The following GPHN variants were observed in gnomAD, a reference collection of about 807,000 sequenced individuals.
The protein encoded by GPHN is gephyrin.
GPHN carries 17 observed loss-of-function variants against 95.5 expected under a neutral mutation model. The ratio of observed to expected loss-of-function variants is 0.18; its 90% CI spans 0.12 to 0.27. GPHN has a LOEUF of 0.27. Among genes scored for constraint, GPHN ranks in the 10% least tolerant of loss-of-function variants. GPHN has a pLI of 1.00. For missense variants in GPHN, 660 were observed against 978.1 expected (o/e 0.67, Z 4.34); for synonymous variants, 320 against 322.5 (o/e 0.99, Z 0.08).
the GPHN span, among the ~76,000 whole-genome samples, chr14:67,413,207 T>C: frequency 3.3e-5 from 5 of 152,198 alleles, no homozygotes; most frequent in African/African-American, 1.2e-4. Context: ...AGAAGGAAAC[T>C]CAGTCAAATA....
chr14:67,468,220 C>T, the GPHN span, among the ~76,000 whole-genome samples: 1 of 152,142 alleles, frequency 6.6e-6, no homozygotes, highest in East Asian at 1.9e-4. Context: ...GTGATCCACC[C>T]GCCTCGGGCT....
chr14:66,569,678 A>T (rs562998274), intron 1 of GPHN, among the ~76,000 whole-genome samples: 63 of 151,706 alleles, frequency 4.2e-4, no homozygotes, highest in Middle Eastern at 3.4e-3. Flanking sequence ...AAAAAATTAA[A>T]TTTTTGTTTG....
the GPHN span, among the ~76,000 whole-genome samples, chr14:67,508,753 C>CAAAAAAAAAAGAAAAAA: frequency 2.1e-5 from 1 of 46,714 alleles, no homozygotes; most frequent in Non-Finnish European, 4.7e-5. Flanking sequence ...AACCTTGTCT[C>CAAAAAAAAAAGAAAAAA]AAAAAAAAAA....
chr14:66,878,376 T>C (rs1392656119), intron 4 of GPHN, among the ~76,000 whole-genome samples: 1 of 152,074 alleles, frequency 6.6e-6, no homozygotes, highest in East Asian at 1.9e-4. Flanking sequence ...GGGATCTAAT[T>C]AAACTAAAGA....
At chr14:67,156,100 G>A (rs2081570572) in intron 18 of GPHN, among the ~76,000 whole-genome samples, 1 of 152,166 alleles carries the variant, frequency 6.6e-6, no homozygotes, top group African/African-American at 2.4e-5. Context: ...TTTTAAGGTG[G>A]AAGGATTATG....
the GPHN span, among the ~76,000 whole-genome samples, chr14:67,480,141 T>C: frequency 1.3e-5 from 2 of 152,188 alleles, no homozygotes; most frequent in Non-Finnish European, 2.9e-5. Flanking sequence ...AAAGGGCAGC[T>C]GTCATTTCTG....
chr14:66,657,444 A>G (rs929403774), intron 1 of GPHN, among the ~76,000 whole-genome samples: 8 of 152,258 alleles, frequency 5.3e-5, no homozygotes, highest in East Asian at 3.8e-4. Context: ...CAGGTTATCA[A>G]TATAGATGAA....
At chr14:67,324,897 ATTTTTTTT>A in the GPHN span, among the ~76,000 whole-genome samples, 1 of 76,336 alleles carries the variant, frequency 1.3e-5, no homozygotes, top group East Asian at 4.4e-4. Flanking sequence ...CCTTCCTTTC[ATTTTTTTT>A]TTTTTTTTTT....
chr14:67,701,397 A>C, the GPHN span, among the ~76,000 whole-genome samples: 2 of 151,168 alleles, frequency 1.3e-5, no homozygotes, highest in Non-Finnish European at 2.9e-5. Flanking sequence ...TACATTTAAA[A>C]AAATTTTAAA....
At chr14:67,013,312 T>C (rs1460067790) in intron 9 of GPHN, among the ~76,000 whole-genome samples, 2 of 152,114 alleles carry the variant, frequency 1.3e-5, no homozygotes, top group Non-Finnish European at 2.9e-5. Flanking sequence ...ATTCGCTACA[T>C]ACACAAGTCT....
the GPHN span, among the ~76,000 whole-genome samples, chr14:67,532,845 C>A: frequency 6.6e-6 from 1 of 152,242 alleles, no homozygotes; most frequent in East Asian, 1.9e-4. Flanking sequence ...AATGCTGGAA[C>A]CTTTGGCGGA....
chr14:66,885,295 C>T (rs1444198877), intron 5 of GPHN, among the ~76,000 whole-genome samples: 1 of 152,046 alleles, frequency 6.6e-6, no homozygotes, highest in Non-Finnish European at 1.5e-5. Context: ...CTGGCAGGAT[C>T]TCTCTGATAT....
the GPHN span, among the ~76,000 whole-genome samples, chr14:67,595,144 T>A: frequency 2.1e-5 from 3 of 142,276 alleles, no homozygotes; most frequent in Non-Finnish European, 4.6e-5. Flanking sequence ...CTAAAAAAAA[T>A]AAAAATAAAA....
chr14:67,380,319 T>A, the GPHN span, among the ~76,000 whole-genome samples: 3 of 151,872 alleles, frequency 2.0e-5, no homozygotes, highest in Non-Finnish European at 4.4e-5. Flanking sequence ...TTAAAAGTTT[T>A]TCCATGTTTT....
the GPHN span, among the ~76,000 whole-genome samples, chr14:67,433,488 G>C: frequency 6.6e-6 from 1 of 152,032 alleles, no homozygotes; most frequent in Non-Finnish European, 1.5e-5. Context: ...ATACAGAGAT[G>C]TACTTTGATC....
intron 10 of GPHN, among the ~76,000 whole-genome samples, chr14:67,027,970 G>T (rs2074009086): frequency 6.6e-6 from 1 of 151,972 alleles, no homozygotes; most frequent in South Asian, 2.1e-4. Flanking sequence ...TCAAATATTA[G>T]AACTTATTCA....
intron 11 of GPHN, among the ~76,000 whole-genome samples, chr14:67,086,440 AG>A (rs1451709360): frequency 6.6e-6 from 1 of 152,018 alleles, no homozygotes; most frequent in Non-Finnish European, 1.5e-5. Context: ...TCACGAGGTC[AG>A]GAGATCGAGA....
chr14:66,687,619 A>C (rs1595554446), intron 2 of GPHN, among the ~76,000 whole-genome samples: 1 of 150,444 alleles, frequency 6.6e-6, no homozygotes, highest in African/African-American at 2.4e-5. Flanking sequence ...CCTCTTGAGT[A>C]GCTGGGATTA....
the GPHN span, among the ~76,000 whole-genome samples, chr14:67,534,067 A>AG: frequency 2.0e-5 from 3 of 152,146 alleles, no homozygotes; most frequent in Non-Finnish European, 4.4e-5. Context: ...CTCTTCCAAG[A>AG]CAGAGCCTTG....
Sources: gnomAD v4.1 joint callset for allele counts (sites outside exome capture counted in the v4.1 genomes callset) on GRCh38, gnomAD v4.1.1 for gene constraint, MANE v1.5 for transcripts, NCBI Gene and HGNC (gene_info 2026-07-23, HGNC 2026-07-21) for gene names.